The following BTBD9 variants were observed in gnomAD, a reference collection of about 807,000 sequenced individuals.
The protein encoded by BTBD9 is BTB/POZ domain-containing protein 9.
BTBD9 carries 49 observed loss-of-function variants against 64.3 expected under a neutral mutation model. The ratio of observed to expected loss-of-function variants is 0.76; its 90% confidence interval spans 0.61 to 0.97. The LOEUF (loss-of-function observed/expected upper bound fraction) is 0.97. Ranked by LOEUF, BTBD9 falls within the 50% of genes least tolerant of loss-of-function variation. The pLI is 0.00. For synonymous variants in BTBD9, 260 were observed against 274.7 expected (o/e 0.95, Z 0.53); for missense variants, 598 against 762.1 (o/e 0.78, Z 2.53).
intron 7 of BTBD9, among the ~76,000 whole-genome samples, chr6:38,310,801 T>TGTTTC (rs1320141077): frequency 6.6e-6 from 1 of 151,932 alleles, no homozygotes; most frequent in African/African-American, 2.4e-5. Context: ...AGCTTTGTTT[T>TGTTTC]GTTTTGTTTT....
At chr6:38,325,222 G>C (rs1763375863) in intron 7 of BTBD9, among the ~76,000 whole-genome samples, 1 of 152,014 alleles carries the variant, frequency 6.6e-6, no homozygotes, top group Non-Finnish European at 1.5e-5. Context: ...TACAAGAATA[G>C]GAGTATATTA....
At chr6:38,389,469 C>G (rs898003280) in intron 6 of BTBD9, among the ~76,000 whole-genome samples, 2 of 152,234 alleles carry the variant, frequency 1.3e-5, no homozygotes, top group African/African-American at 2.4e-5. Flanking sequence ...AGCACCTGCA[C>G]TACACATACA....
chr6:38,419,701 T>C (rs1405654764), intron 6 of BTBD9, among the ~76,000 whole-genome samples: 1 of 151,950 alleles, frequency 6.6e-6, no homozygotes, highest in Non-Finnish European at 1.5e-5. Context: ...AGAAACCCCA[T>C]CTCTACTAAA....
At chr6:38,185,249 A>G (rs1246251322) in intron 10 of BTBD9, among the ~76,000 whole-genome samples, 1 of 152,178 alleles carries the variant, frequency 6.6e-6, no homozygotes, top group Non-Finnish European at 1.5e-5. Context: ...AATCTCACCC[A>G]GAGTTAAGGG....
chr6:38,523,574 G>A (rs1382153470), intron 6 of BTBD9, among the ~76,000 whole-genome samples: 1 of 152,076 alleles, frequency 6.6e-6, no homozygotes, highest in South Asian at 2.1e-4. Flanking sequence ...TAGTCTCCCT[G>A]TCTTGCATGA....
At chr6:38,432,441 C>T (rs1163297654) in intron 6 of BTBD9, among the ~76,000 whole-genome samples, 2 of 151,882 alleles carry the variant, frequency 1.3e-5, no homozygotes, top group African/African-American at 4.9e-5. Context: ...GCTGAGACAC[C>T]ATTTGTAAGA....
At chr6:38,579,415 G>C (rs1160123708) in intron 5 of BTBD9, among the ~76,000 whole-genome samples, 1 of 152,206 alleles carries the variant, frequency 6.6e-6, no homozygotes, top group Non-Finnish European at 1.5e-5. Flanking sequence ...AAACAGCAAT[G>C]AAGGAAACAG....
In BTBD9 at chr6:38,172,988, C is replaced by G. The variant is rs1766858039; in HGVS notation, c.*1997G>C. The G allele has an allele frequency of 6.6e-6, 1 of 152,378 alleles. No individual in the cohort carries two copies. Among genetic ancestry groups the G allele is most frequent in the Admixed American group, 6.5e-5 (1 of 15,288 alleles). 9.4% of individuals were successfully genotyped at this position (152,378 alleles called of 1,614,324 possible). A position where few individuals can be genotyped will look rare whatever the true frequency, so the allele number is the denominator to read the frequency against. ...CCCCCACCAGCCCACCCTCTCTTCC[C>G]AAGGTCAGCAGCATGCTGCTTCAGG... On this transcript the variant is annotated 3_prime_UTR_variant, in exon 11 of 11. Coordinates refer to ENST00000481247, the MANE Select transcript of BTBD9 (RefSeq NM_001099272.2).
At chr6:38,592,221 AAT>A (rs931153812) in intron 4 of BTBD9, among the ~76,000 whole-genome samples, 1 of 152,074 alleles carries the variant, frequency 6.6e-6, no homozygotes, top group African/African-American at 2.4e-5. Flanking sequence ...TGGTACCCAA[AAT>A]AATAAGTACA....
At chr6:38,192,364 A>G (rs1205289185) in intron 10 of BTBD9, among the ~76,000 whole-genome samples, 155 bp downstream of exon 10, 2 of 152,076 alleles carry the variant, frequency 1.3e-5, no homozygotes, top group Non-Finnish European at 2.9e-5. Context: ...GATAATGATA[A>G]CCCCACTGTG....
At chr6:38,345,748 C>T (rs1764254661) in intron 6 of BTBD9, among the ~76,000 whole-genome samples, 1 of 152,256 alleles carries the variant, frequency 6.6e-6, no homozygotes, top group Admixed American at 6.5e-5. Context: ...AGCCTCCCTC[C>T]TGGCCACGTG....
intron 9 of BTBD9, among the ~76,000 whole-genome samples, chr6:38,232,046 A>G (rs1005380784): frequency 1.3e-5 from 2 of 152,174 alleles, no homozygotes; most frequent in Non-Finnish European, 2.9e-5. Flanking sequence ...AGCAGAGAAG[A>G]GTTATGTTTC....
intron 6 of BTBD9, among the ~76,000 whole-genome samples, chr6:38,389,754 C>A (rs1766331724): frequency 6.6e-6 from 1 of 152,134 alleles, no homozygotes; most frequent in African/African-American, 2.4e-5. Context: ...TATGAAATTG[C>A]TTTAAAATCC....
intron 6 of BTBD9, among the ~76,000 whole-genome samples, chr6:38,558,102 A>G (rs1458821165): frequency 6.6e-6 from 1 of 152,176 alleles, no homozygotes; most frequent in African/African-American, 2.4e-5. Flanking sequence ...TCTAGAAAAA[A>G]TAAAAAATAA....
intron 6 of BTBD9, among the ~76,000 whole-genome samples, chr6:38,552,247 C>A (rs904075627): frequency 4.6e-5 from 7 of 152,142 alleles, no homozygotes; most frequent in African/African-American, 1.7e-4. Flanking sequence ...GTATAGAAAT[C>A]GGAAGCAGTG....
chr6:38,523,911 C>T (rs1228248079), intron 6 of BTBD9, among the ~76,000 whole-genome samples: 1 of 152,168 alleles, frequency 6.6e-6, no homozygotes, highest in East Asian at 1.9e-4. Context: ...GCTCCAAAGT[C>T]TGTGCTCTTA....
At chr6:38,613,499 G>A (rs565407345) in intron 1 of BTBD9, among the ~76,000 whole-genome samples, 249 of 152,214 alleles carry the variant, frequency 1.6e-3, no homozygotes, top group Non-Finnish European at 3.1e-3. Context: ...GCGGGTCCCT[G>A]TAATCCCAGC....
chr6:38,612,098 C>T (rs938536435), intron 1 of BTBD9, among the ~76,000 whole-genome samples: 1 of 152,152 alleles, frequency 6.6e-6, no homozygotes, highest in African/African-American at 2.4e-5. Flanking sequence ...AACTCATGGT[C>T]AGGTGTTTCT....
At chr6:38,276,108 A>G (rs2127547367) in intron 8 of BTBD9, among the ~76,000 whole-genome samples, 1 of 152,350 alleles carries the variant, frequency 6.6e-6, no homozygotes, top group East Asian at 1.9e-4. Context: ...CCAAATGTCC[A>G]ACAACAATAG....
Sources: gnomAD v4.1 joint callset for allele counts (sites outside exome capture counted in the v4.1 genomes callset) on GRCh38, gnomAD v4.1.1 for gene constraint, MANE v1.5 for transcripts, NCBI Gene and HGNC (gene_info 2026-07-23, HGNC 2026-07-21) for gene names.